The following PDE1C variants were observed in gnomAD, a reference collection of about 807,000 sequenced individuals.
PDE1C encodes phosphodiesterase 1C.
A neutral mutation model predicts 93.1 loss-of-function variants in PDE1C; 62 were observed. The ratio of observed to expected loss-of-function variants is 0.67; its 90% CI spans 0.54 to 0.82. PDE1C has a LOEUF of 0.82. PDE1C is among the 40% of genes least tolerant of loss of function. PDE1C has a pLI of 0.00. For synonymous variants in PDE1C, 325 were observed against 310.1 expected (o/e 1.05, Z -0.50); for missense variants, 742 against 884.6 (o/e 0.84, Z 2.04).
chr7:32,377,066 T>C (rs1784444909), intron 1 of PDE1C, among the ~76,000 whole-genome samples: 1 of 152,064 alleles, frequency 6.6e-6, no homozygotes, highest in Admixed American at 6.6e-5. Flanking sequence ...TAGGAATCAC[T>C]GTGTTCTCTG....
chr7:31,829,482 A>G (rs1013137749), intron 11 of PDE1C, among the ~76,000 whole-genome samples: 1 of 152,212 alleles, frequency 6.6e-6, no homozygotes, highest in East Asian at 1.9e-4. Context: ...AAAGGGTAGT[A>G]ACAACCTGCA....
chr7:31,762,011 C>T (rs1231880981), intron 17 of PDE1C, among the ~76,000 whole-genome samples: 3 of 152,222 alleles, frequency 2.0e-5, no homozygotes, highest in Non-Finnish European at 4.4e-5. Context: ...ATAGTAGGTG[C>T]TCATTCAGTA....
intron 2 of PDE1C, among the ~76,000 whole-genome samples, chr7:32,031,081 T>C (rs1443500351): frequency 6.6e-6 from 1 of 152,158 alleles, no homozygotes; most frequent in African/African-American, 2.4e-5. Context: ...GCTTCCCTTC[T>C]CCACTATGGA....
At chr7:32,267,858 G>T (rs763715189) in intron 1 of PDE1C, among the ~76,000 whole-genome samples, 3 of 152,134 alleles carry the variant, frequency 2.0e-5, no homozygotes, top group Non-Finnish European at 4.4e-5. Context: ...GCACTTTACA[G>T]GGATTATTCT....
At chr7:32,217,359 T>C (rs1160729742) in intron 1 of PDE1C, among the ~76,000 whole-genome samples, 1 of 152,158 alleles carries the variant, frequency 6.6e-6, no homozygotes, top group African/African-American at 2.4e-5. Flanking sequence ...ATGTCATCCA[T>C]TCCTTCCAGC....
intron 17 of PDE1C, among the ~76,000 whole-genome samples, chr7:31,775,270 A>G (rs1387654250): frequency 4.6e-5 from 7 of 152,210 alleles, no homozygotes; most frequent in African/African-American, 1.4e-4. Context: ...AAGAAGCTGA[A>G]GAAGCACATG....
intron 17 of PDE1C, among the ~76,000 whole-genome samples, chr7:31,766,990 G>A (rs973083048): frequency 6.6e-6 from 1 of 152,160 alleles, no homozygotes; most frequent in Non-Finnish European, 1.5e-5. Context: ...AAGTCTGTCT[G>A]TGGGTGCCAT....
At chr7:32,264,101 G>A (rs937984400) in intron 1 of PDE1C, among the ~76,000 whole-genome samples, 1 of 152,090 alleles carries the variant, frequency 6.6e-6, no homozygotes, top group East Asian at 1.9e-4. Context: ...TCTTTACCAC[G>A]ATGGATGCAA....
At chr7:32,394,771 G>A (rs1283287143) in intron 1 of PDE1C, among the ~76,000 whole-genome samples, 2 of 152,132 alleles carry the variant, frequency 1.3e-5, no homozygotes, top group Non-Finnish European at 2.9e-5. Context: ...CCATGATCAT[G>A]CCACTGCACT....
intron 2 of PDE1C, among the ~76,000 whole-genome samples, chr7:31,926,038 C>G (rs777956289): frequency 1.3e-5 from 2 of 152,052 alleles, no homozygotes; most frequent in Non-Finnish European, 2.9e-5. Context: ...ACAGGTATAC[C>G]TGTGATCATA....
intron 1 of PDE1C, among the ~76,000 whole-genome samples, chr7:32,247,247 C>CA (rs1809031229): frequency 8.2e-6 from 1 of 121,974 alleles, no homozygotes; most frequent in Non-Finnish European, 1.8e-5. Context: ...CGAATTGAAG[C>CA]AGTGGCCACA....
intron 1 of PDE1C, among the ~76,000 whole-genome samples, chr7:32,405,252 T>C (rs1465466393): frequency 2.1e-5 from 1 of 48,464 alleles, no homozygotes; most frequent in Non-Finnish European, 5.8e-5. Flanking sequence ...TTTTCTTTTT[T>C]CTTTTTTTTT....
chr7:32,258,553 T>A (rs1487909600), intron 1 of PDE1C, among the ~76,000 whole-genome samples: 1 of 152,180 alleles, frequency 6.6e-6, no homozygotes, highest in Non-Finnish European at 1.5e-5. Flanking sequence ...ATTAACAAGC[T>A]GTGCACATGC....
intron 2 of PDE1C, among the ~76,000 whole-genome samples, chr7:31,945,937 C>T (rs965764925): frequency 6.6e-6 from 1 of 151,992 alleles, no homozygotes. Context: ...CTGATTCTTT[C>T]CTTGGATAGT....
chr7:31,625,819 C>CTT, the PDE1C span, among the ~76,000 whole-genome samples: 6 of 149,788 alleles, frequency 4.0e-5, no homozygotes, highest in Admixed American at 6.6e-5. Context: ...CTTAGAATGT[C>CTT]TTTTTTTTTA....
intron 2 of PDE1C, among the ~76,000 whole-genome samples, chr7:32,172,829 A>G (rs1391326240): frequency 6.7e-6 from 1 of 150,092 alleles, no homozygotes; most frequent in African/African-American, 2.4e-5. Flanking sequence ...TCTTTAAAAA[A>G]AAAAAAAAAA....
intron 1 of PDE1C, among the ~76,000 whole-genome samples, chr7:32,055,808 C>T (rs1372808018): frequency 6.6e-6 from 1 of 152,214 alleles, no homozygotes; most frequent in Non-Finnish European, 1.5e-5. Context: ...GCAACCTCCT[C>T]CTCCTGGGTT....
intron 2 of PDE1C, among the ~76,000 whole-genome samples, chr7:32,030,439 G>A (rs1790160856): frequency 6.6e-6 from 1 of 152,066 alleles, no homozygotes; most frequent in African/African-American, 2.4e-5. Context: ...CTTGAATACA[G>A]AGAAAGTGTT....
chr7:32,060,918 C>G (rs1212904948), intron 1 of PDE1C, among the ~76,000 whole-genome samples: 1 of 152,160 alleles, frequency 6.6e-6, no homozygotes, highest in East Asian at 1.9e-4. Context: ...GAATGGTATA[C>G]TAAATGCAAT....
Sources: allele counts gnomAD v4.1 joint callset (sites outside exome capture counted in the v4.1 genomes callset), GRCh38; gene constraint gnomAD v4.1.1; transcripts MANE v1.5; gene names NCBI Gene and HGNC (gene_info 2026-07-23, HGNC 2026-07-21).